ADGRL3: variants seen among roughly 807,000 people sequenced by gnomAD.
The protein encoded by ADGRL3 is adhesion G protein-coupled receptor L3, also known as calcium-independent alpha-latrotoxin receptor 3.
Under a neutral mutation model 153.5 loss-of-function variants are expected in ADGRL3, and 62 were observed. The observed-to-expected ratio is 0.40, with a 90% CI of 0.33 to 0.50. The LOEUF (loss-of-function observed/expected upper bound fraction) is 0.50, where lower values mean the gene tolerates loss of function less well. Among genes scored for constraint, ADGRL3 ranks in the 20% least tolerant of loss-of-function variants. ADGRL3 has a pLI of 0.47. For missense variants in ADGRL3, 1,641 were observed against 1,859.4 expected (o/e 0.88, Z 2.16); for synonymous variants, 710 against 672.5 (o/e 1.06, Z -0.86).
intron 17 of ADGRL3, among the ~76,000 whole-genome samples, chr4:61,962,949 G>A (rs944076838): frequency 1.3e-5 from 2 of 152,058 alleles, no homozygotes; most frequent in South Asian, 4.1e-4. Flanking sequence ...TCAGCATCTT[G>A]TGAGAAATGT....
At chr4:61,551,177 G>A (rs2098738719) in intron 4 of ADGRL3, among the ~76,000 whole-genome samples, 1 of 152,058 alleles carries the variant, frequency 6.6e-6, no homozygotes, top group South Asian at 2.1e-4. Flanking sequence ...TATTTCTCCA[G>A]AACCAGGCCT....
chr4:61,772,656 T>G (rs986078256), intron 8 of ADGRL3, among the ~76,000 whole-genome samples: 11 of 152,232 alleles, frequency 7.2e-5, no homozygotes, highest in African/African-American at 2.4e-4. Flanking sequence ...GCAAAGCCTA[T>G]TCATTCTGAT....
At chr4:61,422,369 C>G (rs2097216895) in intron 2 of ADGRL3, among the ~76,000 whole-genome samples, 1 of 152,018 alleles carries the variant, frequency 6.6e-6, no homozygotes, top group African/African-American at 2.4e-5. Flanking sequence ...TCTTTCATTT[C>G]TCATCATGTA....
In ADGRL3 at chr4:61,732,907, C is replaced by A. The variant is rs1010229748; in HGVS notation, c.752C>A (p.Thr251Asn). 2 of 1,613,708 alleles carry A rather than the reference C, an allele frequency of 1.2e-6. No homozygotes were observed. Among genetic ancestry groups the A allele is most frequent in the South Asian group, 1.1e-5 (1 of 91,070 alleles). Residue 251 changes from threonine to asparagine, a missense_variant, in exon 8 of 27, where the codon ACT becomes AAT. Coordinates refer to ENST00000683033, the MANE Select transcript of ADGRL3 (RefSeq NM_001387552.1). ...PWTPYRTDTL[T>N]EYSSKDDFIA... ...ACTCCCTACAGAACTGATACCCTGA[C>A]TGAGTATTCATCCAAGGATGACTTC...
rs770063621 is a variant in ADGRL3, at chr4:61,979,673, G to A, written c.2916G>A (p.Gly972=). Residue 972 remains glycine, a synonymous_variant, in exon 18 of 27, where the codon GGG becomes GGA. Transcript: ENST00000683033. ...ICIFTFCFFR[G]LQSDRNTIHK... is the part of the protein sequence containing the mutation. The stretch of plus-strand genomic sequence containing the variant: ...TCTTCACATTTTGCTTTTTCCGGGG[G>A]CTCCAGAGTGACCGTAACACCATCC... 5 of 1,613,642 alleles carry A rather than the reference G, an allele frequency of 3.1e-6. No homozygotes were observed. The highest frequency in any genetic ancestry group is 1.3e-5 in the African/African-American group (1 of 74,832).
chr4:61,554,388 G>T (rs182004023), intron 4 of ADGRL3, among the ~76,000 whole-genome samples: 3 of 151,958 alleles, frequency 2.0e-5, no homozygotes, highest in East Asian at 3.9e-4. Context: ...TAGATACGGG[G>T]TTTCACAATG....
chr4:61,469,991 G>A (rs781293911), intron 2 of ADGRL3, among the ~76,000 whole-genome samples: 25 of 151,688 alleles, frequency 1.6e-4, no homozygotes, highest in Middle Eastern at 3.4e-3. Context: ...CTTTCTATCA[G>A]CCGGATGCTT....
intron 2 of ADGRL3, among the ~76,000 whole-genome samples, chr4:61,445,523 G>A (rs2097572840): frequency 6.6e-6 from 1 of 152,180 alleles, no homozygotes; most frequent in African/African-American, 2.4e-5. Flanking sequence ...GAGAGATAGT[G>A]TTGACTTAGA....
At chr4:61,491,993 A>G (rs1440864722) in intron 2 of ADGRL3, among the ~76,000 whole-genome samples, 1 of 149,978 alleles carries the variant, frequency 6.7e-6, no homozygotes, top group South Asian at 2.1e-4. Context: ...GGTCATAGCT[A>G]TGATTTCCCT....
At chr4:61,406,767 T>C (rs1294087037) in intron 2 of ADGRL3, among the ~76,000 whole-genome samples, 2 of 151,996 alleles carry the variant, frequency 1.3e-5, no homozygotes, top group Non-Finnish European at 2.9e-5. Flanking sequence ...AAATATTCTG[T>C]ACAACTTATT....
chr4:61,705,244 G>T (rs1361153820), intron 6 of ADGRL3, among the ~76,000 whole-genome samples: 1 of 151,766 alleles, frequency 6.6e-6, no homozygotes, highest in Non-Finnish European at 1.5e-5. Context: ...ATTACTCTTT[G>T]GTCCATGAGC....
chr4:61,339,451 A>C (rs1023622227), intron 1 of ADGRL3, among the ~76,000 whole-genome samples: 2 of 152,152 alleles, frequency 1.3e-5, no homozygotes, highest in Non-Finnish European at 2.9e-5. Flanking sequence ...AACTGAGGAA[A>C]ATATGAACAG....
In ADGRL3 at chr4:61,345,918, A is replaced by C. The variant is rs115424607; in HGVS notation, c.-239-37206A>C. Among the ~76,000 whole-genome samples, 460 of 152,320 alleles carry C rather than the reference A, an allele frequency of 3.0e-3. 5 individuals carry two copies. The highest frequency in any genetic ancestry group is 0.011 in the African/African-American group (445 of 41,580). ...CTCTTCGATCCAAGAATTTATTAGAAAAAATACCATGTTGGGGTGACGTGG... is the reference window on the plus strand; with the variant it reads ...CTCTTCGATCCAAGAATTTATTAGACAAAATACCATGTTGGGGTGACGTGG... On this transcript the variant is annotated intron_variant, in intron 1 of 26. Transcript: ENST00000683033.
At chr4:61,592,155 A>T (rs1201837672) in intron 5 of ADGRL3, among the ~76,000 whole-genome samples, 1 of 151,856 alleles carries the variant, frequency 6.6e-6, no homozygotes, top group Non-Finnish European at 1.5e-5. Context: ...AATAGCACTG[A>T]AGGTAATTTT....
intron 9 of ADGRL3, among the ~76,000 whole-genome samples, chr4:61,816,620 A>G (rs1246670661): frequency 6.6e-6 from 1 of 152,218 alleles, no homozygotes; most frequent in Non-Finnish European, 1.5e-5. Flanking sequence ...TGTAAAATCA[A>G]ACGACAAAAA....
chr4:62,048,204 T>C lies in ADGRL3; in HGVS notation c.3814+3655T>C, dbSNP rs1467591800. Among the ~76,000 whole-genome samples the C allele has an allele frequency of 2.6e-5, 4 of 152,108 alleles. 1 individual carries two copies. The highest frequency in any genetic ancestry group is 2.6e-4 in the Admixed American group (4 of 15,260). On this transcript the variant is annotated intron_variant, in intron 25 of 26. Coordinates refer to ENST00000683033, the MANE Select transcript of ADGRL3 (RefSeq NM_001387552.1). ...ACCCATATCTCCTACCAATAATTTC[T>C]GCAGGTCAAATCTTATCTTGAGCTG...
intron 8 of ADGRL3, among the ~76,000 whole-genome samples, chr4:61,743,991 A>T (rs1383418981): frequency 2.0e-5 from 3 of 152,174 alleles, no homozygotes; most frequent in Non-Finnish European, 4.4e-5. Context: ...CACCTGGAAA[A>T]TCAGGTCACT....
chr4:61,679,647 A>C (rs966539672), intron 6 of ADGRL3, among the ~76,000 whole-genome samples: 11 of 152,184 alleles, frequency 7.2e-5, no homozygotes, highest in Middle Eastern at 3.4e-3. Context: ...AATTTTTACA[A>C]GATCCTCCTT....
chr4:61,776,325 A>G (rs2097151013), intron 8 of ADGRL3, among the ~76,000 whole-genome samples: 1 of 152,236 alleles, frequency 6.6e-6, no homozygotes, highest in Non-Finnish European at 1.5e-5. Flanking sequence ...GAAGACTATT[A>G]TATGTGAATG....
Sources: allele counts gnomAD v4.1 joint callset (sites outside exome capture counted in the v4.1 genomes callset), GRCh38; gene constraint gnomAD v4.1.1; transcripts MANE v1.5; gene names NCBI Gene and HGNC (gene_info 2026-07-23, HGNC 2026-07-21).